TRPC4AP: variants seen among roughly 807,000 people sequenced by gnomAD.
TRPC4AP encodes short transient receptor potential channel 4-associated protein.
TRPC4AP carries 45 observed loss-of-function variants against 99.0 expected under a neutral mutation model. That is an observed-to-expected ratio of 0.45 (90% CI 0.36 to 0.58). TRPC4AP has a LOEUF of 0.58. Among genes scored for constraint, TRPC4AP ranks in the 20% least tolerant of loss-of-function variants. The pLI is 0.00. For missense variants in TRPC4AP, 879 were observed against 985.3 expected (o/e 0.89, Z 1.44); for synonymous variants, 408 against 385.8 (o/e 1.06, Z -0.67).
At chr20:35,032,606 G>A (rs1014151056) in intron 8 of TRPC4AP, among the ~76,000 whole-genome samples, 1 of 151,256 alleles carries the variant, frequency 6.6e-6, no homozygotes, top group African/African-American at 2.4e-5. Flanking sequence ...CCCAGTAGCT[G>A]GGACTACAGG....
At chr20:35,091,328 G>C (rs1170852385) in intron 1 of TRPC4AP, among the ~76,000 whole-genome samples, 3 of 152,142 alleles carry the variant, frequency 2.0e-5, no homozygotes, top group Non-Finnish European at 4.4e-5. Context: ...ATGGTTGTGT[G>C]ATGGCCAGGA....
intron 2 of TRPC4AP, among the ~76,000 whole-genome samples, chr20:35,073,343 CCT>C (rs1035056989): frequency 5.9e-5 from 9 of 152,150 alleles, no homozygotes; most frequent in East Asian, 3.9e-4. Context: ...AGAGGGCACC[CCT>C]GTCTTGTGCC....
At chr20:35,049,537 A>G (rs2083646815) in intron 6 of TRPC4AP, among the ~76,000 whole-genome samples, 1 of 152,222 alleles carries the variant, frequency 6.6e-6, no homozygotes, top group African/African-American at 2.4e-5. Context: ...TAGCACATAC[A>G]TGCTACAAAG....
rs1218368775 is a variant in TRPC4AP at position 35,003,498 on chromosome 20, C to T, written c.2168G>A (p.Gly723Asp). ...QRMEHSKKYP[G>D]FLLNNFHNLL... ...GTTGTGGAAGTTGTTGAGCAGGAAG[C>T]CGGGGTACTTCTTGCTGTGCTCCAT... The change falls in exon 18 of 19, where the codon GGC becomes GAC. Residue 723 changes from glycine to aspartate, a missense_variant. This residue lies in a region of TRPC4AP where 224 missense variants were observed against 264.7 expected (regional missense o/e 0.85). Coordinates refer to ENST00000252015, the MANE Select transcript of TRPC4AP (RefSeq NM_015638.3). 1 of 1,614,084 alleles carries T rather than the reference C, an allele frequency of 6.2e-7. No homozygotes were observed. Among genetic ancestry groups the T allele is most frequent in the Non-Finnish European group, 8.5e-7 (1 of 1,180,034 alleles).
At chr20:35,051,762 T>C (rs538366375) in intron 5 of TRPC4AP, among the ~76,000 whole-genome samples, 2 of 152,130 alleles carry the variant, frequency 1.3e-5, no homozygotes, top group Non-Finnish European at 2.9e-5. Flanking sequence ...GAGAACTAAA[T>C]TTACACTTTC....
intron 1 of TRPC4AP, among the ~76,000 whole-genome samples, chr20:35,085,851 TTTTA>T (rs1286918085): frequency 6.6e-6 from 1 of 152,204 alleles, no homozygotes; most frequent in African/African-American, 2.4e-5. Flanking sequence ...TTTCCACTGA[TTTTA>T]TTGTTTTTAA....
rs201484755 is a variant in TRPC4AP, at chr20:35,007,868, C to CTT, written c.1596-229_1596-228insAA. ...TCTATCTGGGTCTGTCTGGAAGGGG[C>CTT]TGTGTCACAGAAAGGGTAACATCTG... On this transcript the variant is annotated intron_variant, in intron 13 of 18. Coordinates refer to ENST00000252015, the MANE Select transcript of TRPC4AP (RefSeq NM_015638.3). 9.4e-3 allele frequency among the ~76,000 whole-genome samples: 1,439 copies of CTT among 152,296 alleles called. 7 individuals are homozygous for CTT. Among genetic ancestry groups the CTT allele is most frequent in the Middle Eastern group, 0.017 (5 of 294 alleles).
chr20:35,045,958 T>C (rs1308399545), intron 6 of TRPC4AP, among the ~76,000 whole-genome samples: 1 of 152,230 alleles, frequency 6.6e-6, no homozygotes, highest in East Asian at 1.9e-4. Context: ...TATGAGCCAC[T>C]GTGCCTGACC....
chr20:35,062,266 A>G (rs2145558), intron 3 of TRPC4AP, among the ~76,000 whole-genome samples: 12,491 of 152,302 alleles, frequency 0.082, 594 homozygotes, highest in South Asian at 0.13. Context: ...AAACAGAGTT[A>G]CCAGCAACTC....
At chr20:35,091,298 G>A (rs1243231891) in intron 1 of TRPC4AP, among the ~76,000 whole-genome samples, 1 of 151,958 alleles carries the variant, frequency 6.6e-6, no homozygotes, top group Non-Finnish European at 1.5e-5. Context: ...GAACACAAGG[G>A]GGAAAAAGGC....
chr20:35,049,251 T>C (rs994135001), intron 6 of TRPC4AP, among the ~76,000 whole-genome samples: 2 of 151,880 alleles, frequency 1.3e-5, no homozygotes, highest in African/African-American at 4.8e-5. Flanking sequence ...ATTTCGATCA[T>C]AGCTGTTTTT....
At chr20:35,054,235 T>C (rs1291508474) in intron 5 of TRPC4AP, among the ~76,000 whole-genome samples, 1 of 151,718 alleles carries the variant, frequency 6.6e-6, no homozygotes, top group Non-Finnish European at 1.5e-5. Flanking sequence ...ACATTTATAA[T>C]AGCGCTCGTC....
intron 1 of TRPC4AP, among the ~76,000 whole-genome samples, chr20:35,089,395 G>GTT (rs35461400): frequency 7.7e-6 from 1 of 130,302 alleles, no homozygotes; most frequent in Non-Finnish European, 1.6e-5. Context: ...CCTGGTTAAT[G>GTT]TTTTTTTTTT....
At chr20:35,011,760 T>TC (rs2147275040) in intron 11 of TRPC4AP, among the ~76,000 whole-genome samples, 1 of 152,296 alleles carries the variant, frequency 6.6e-6, no homozygotes, top group South Asian at 2.1e-4. Flanking sequence ...ACACACACCC[T>TC]CTCACATGCC....
intron 3 of TRPC4AP, among the ~76,000 whole-genome samples, chr20:35,068,812 GC>G (rs1454386833): frequency 2.0e-5 from 3 of 150,714 alleles, no homozygotes; most frequent in Non-Finnish European, 4.4e-5. Context: ...GAGCCACTGC[GC>G]CCGGCCTAAA....
intron 3 of TRPC4AP, among the ~76,000 whole-genome samples, chr20:35,068,137 T>C (rs1026045789): frequency 3.3e-5 from 5 of 152,240 alleles, no homozygotes; most frequent in African/African-American, 9.6e-5. Flanking sequence ...GGTAATGTTC[T>C]ATTTCCTAAT....
intron 1 of TRPC4AP, among the ~76,000 whole-genome samples, chr20:35,090,900 G>C (rs2085042582): frequency 6.6e-6 from 1 of 150,820 alleles, no homozygotes. Context: ...TAACTCAAAA[G>C]CTTGAGGATT....
chr20:35,035,749 A>G (rs1436836497), intron 7 of TRPC4AP, among the ~76,000 whole-genome samples: 1 of 152,368 alleles, frequency 6.6e-6, no homozygotes, highest in African/African-American at 2.4e-5. Context: ...CATTTATACA[A>G]TGGAATACTG....
intron 3 of TRPC4AP, among the ~76,000 whole-genome samples, chr20:35,057,790 C>T (rs1569129874): frequency 6.6e-6 from 1 of 152,136 alleles, no homozygotes; most frequent in Admixed American, 6.6e-5. Context: ...TCTCTGGCCT[C>T]AGCTTTCTCA....
Sources: gnomAD v4.1 joint callset for allele counts (sites outside exome capture counted in the v4.1 genomes callset) on GRCh38, gnomAD v4.1.1 for gene constraint, gnomAD v4.1.1 regional missense constraint, MANE v1.5 for transcripts, NCBI Gene and HGNC (gene_info 2026-07-23, HGNC 2026-07-21) for gene names.